Variants in APBA1 observed in about 807,000 individuals in gnomAD.
APBA1 encodes the protein amyloid-beta A4 precursor protein-binding family A member 1.
Under a neutral mutation model 86.6 loss-of-function variants are expected in APBA1, and 55 were observed. The ratio of observed to expected loss-of-function variants is 0.64; its 90% CI spans 0.51 to 0.80. APBA1 has a LOEUF of 0.80. Among genes scored for constraint, APBA1 ranks in the 30% least tolerant of loss-of-function variants. APBA1 has a pLI of 0.00. For synonymous variants in APBA1, 511 were observed against 493.9 expected (o/e 1.03, Z -0.46); for missense variants, 1,090 against 1,183.0 (o/e 0.92, Z 1.15).
chr9:69,671,472 C>A (rs1343895854), intron 1 of APBA1, among the ~76,000 whole-genome samples: 1 of 152,172 alleles, frequency 6.6e-6, no homozygotes, highest in Admixed American at 6.5e-5. Context: ...GCCATCCACA[C>A]GCAGGAGCAG....
intron 2 of APBA1, among the ~76,000 whole-genome samples, chr9:69,484,570 A>G (rs1835576813): frequency 6.6e-6 from 1 of 152,094 alleles, no homozygotes; most frequent in Admixed American, 6.5e-5. Context: ...TCCTACATTC[A>G]ATGTTCAGCT....
chr9:69,613,713 G>A (rs1375086683), intron 1 of APBA1, among the ~76,000 whole-genome samples: 1 of 152,046 alleles, frequency 6.6e-6, no homozygotes, highest in African/African-American at 2.4e-5. Flanking sequence ...TTTCTACATG[G>A]GTCTGAATTG....
intron 1 of APBA1, among the ~76,000 whole-genome samples, chr9:69,667,375 G>A (rs1167681910): frequency 2.6e-5 from 4 of 151,936 alleles, no homozygotes; most frequent in Non-Finnish European, 5.9e-5. Context: ...CTCATGGTTG[G>A]GTAATGATCT....
At chr9:69,618,510 T>A (rs936556681) in intron 1 of APBA1, among the ~76,000 whole-genome samples, 1 of 152,222 alleles carries the variant, frequency 6.6e-6, no homozygotes, top group Non-Finnish European at 1.5e-5. Context: ...AAGGATATGA[T>A]ACTTTCCATG....
intron 2 of APBA1, among the ~76,000 whole-genome samples, chr9:69,485,956 C>CTT (rs879632826): frequency 6.9e-6 from 1 of 145,816 alleles, no homozygotes; most frequent in African/African-American, 2.5e-5. Context: ...CATTTTAATT[C>CTT]TTTTTTTTTT....
At chr9:69,591,559 C>T (rs1648637447) in intron 1 of APBA1, among the ~76,000 whole-genome samples, 1 of 152,206 alleles carries the variant, frequency 6.6e-6, no homozygotes, top group Non-Finnish European at 1.5e-5. Flanking sequence ...CTGCCTCAGC[C>T]TGTAACCACC....
chr9:69,556,614 T>C (rs1301773047), intron 1 of APBA1, among the ~76,000 whole-genome samples: 1 of 152,228 alleles, frequency 6.6e-6, no homozygotes, highest in Admixed American at 6.6e-5. Flanking sequence ...AGATAGGGGA[T>C]GATGCCCAGT....
At chr9:69,520,246 G>T (rs1039397426) in intron 1 of APBA1, among the ~76,000 whole-genome samples, 1 of 152,166 alleles carries the variant, frequency 6.6e-6, no homozygotes, top group Admixed American at 6.5e-5. Flanking sequence ...TTCTCCATAC[G>T]CTGGCAACTT....
intron 1 of APBA1, among the ~76,000 whole-genome samples, chr9:69,656,984 T>C (rs1823625229): frequency 6.6e-6 from 1 of 152,112 alleles, no homozygotes; most frequent in South Asian, 2.1e-4. Flanking sequence ...TAGCTGGGAC[T>C]ACAGGCGCCC....
intron 8 of APBA1, among the ~76,000 whole-genome samples, chr9:69,456,030 AG>A (rs1835090103): frequency 6.6e-6 from 1 of 152,154 alleles, no homozygotes; most frequent in African/African-American, 2.4e-5. Flanking sequence ...TTTTACATTA[AG>A]TATATTTACC....
At chr9:69,575,646 C>T (rs1588373086) in intron 1 of APBA1, among the ~76,000 whole-genome samples, 1 of 152,172 alleles carries the variant, frequency 6.6e-6, no homozygotes, top group African/African-American at 2.4e-5. Flanking sequence ...GGAAAATTGG[C>T]TAGCCATATG....
chr9:69,486,526 G>A (rs1347433345), intron 2 of APBA1, among the ~76,000 whole-genome samples: 2 of 152,114 alleles, frequency 1.3e-5, no homozygotes, highest in Non-Finnish European at 2.9e-5. Flanking sequence ...CAGGTGGCCA[G>A]GATGTTGTTC....
At chr9:69,654,391 G>C (rs962082861) in intron 1 of APBA1, among the ~76,000 whole-genome samples, 1 of 152,054 alleles carries the variant, frequency 6.6e-6, no homozygotes, top group Admixed American at 6.5e-5. Flanking sequence ...CTTGAGACCA[G>C]GAGTTCAAAG....
intron 1 of APBA1, among the ~76,000 whole-genome samples, chr9:69,558,475 A>G (rs1836895900): frequency 6.6e-6 from 1 of 151,788 alleles, no homozygotes; most frequent in South Asian, 2.1e-4. Context: ...AACTGATATG[A>G]AAGTTAGACA....
intron 2 of APBA1, among the ~76,000 whole-genome samples, chr9:69,498,554 G>A (rs1282383009): frequency 6.6e-6 from 1 of 152,118 alleles, no homozygotes; most frequent in African/African-American, 2.4e-5. Context: ...GTCTCGCTTG[G>A]GGCTTGACAA....
chr9:69,618,961 C>T (rs1205434422), intron 1 of APBA1, among the ~76,000 whole-genome samples: 1 of 152,162 alleles, frequency 6.6e-6, no homozygotes, highest in Non-Finnish European at 1.5e-5. Flanking sequence ...ACCCCATGGG[C>T]TGTGTGAAAA....
chr9:69,579,257 C>A (rs374731918), intron 1 of APBA1, among the ~76,000 whole-genome samples: 11 of 152,086 alleles, frequency 7.2e-5, no homozygotes, highest in African/African-American at 2.7e-4. Context: ...ATGAGGAATG[C>A]CCCTGGCCTG....
At chr9:69,521,915 G>A (rs992836895) in intron 1 of APBA1, among the ~76,000 whole-genome samples, 1 of 152,014 alleles carries the variant, frequency 6.6e-6, no homozygotes, top group Non-Finnish European at 1.5e-5. Context: ...GGTAAAGGAT[G>A]TGGATTTTAT....
Position 69,450,056 on chromosome 9 carries a change from G to GTTT in APBA1, c.1969-263_1969-261dup, listed in dbSNP as rs58417611. On this transcript the variant is annotated intron_variant, in intron 9 of 12. Coordinates refer to ENST00000265381, the MANE Select transcript of APBA1 (RefSeq NM_001163.4). ...CAGCACACAACCATGAGGACCACCA[G>GTTT]TTTTTTTTTTTTTTTTTTTTTTTTT... Among the ~76,000 whole-genome samples, 28 of 94,158 alleles carry GTTT rather than the reference G, an allele frequency of 3.0e-4. 1 individual carries two copies. The highest frequency in any genetic ancestry group is 1.1e-3 in the African/African-American group (24 of 22,844). 61.8% of individuals were successfully genotyped at this position (94,158 alleles called of 152,430 possible).
Sources: gnomAD v4.1 joint callset for allele counts (sites outside exome capture counted in the v4.1 genomes callset) on GRCh38, gnomAD v4.1.1 for gene constraint, MANE v1.5 for transcripts, NCBI Gene and HGNC (gene_info 2026-07-23, HGNC 2026-07-21) for gene names.